MCTP2: variants seen among roughly 807,000 people sequenced by gnomAD.
The protein encoded by MCTP2 is multiple C2 and transmembrane domain-containing protein 2.
Under a neutral mutation model 111.6 loss-of-function variants are expected in MCTP2, and 132 were observed. That is an observed-to-expected ratio of 1.18 (90% CI 1.03 to 1.37). MCTP2 has a LOEUF of 1.37. Ranked by LOEUF, MCTP2 falls within the 40% of genes most tolerant of loss-of-function variation. The pLI, the probability that MCTP2 is intolerant of heterozygous loss-of-function variation, is 0.00. For missense variants in MCTP2, 1,183 were observed against 1,067.9 expected (o/e 1.11, Z -1.50); for synonymous variants, 395 against 387.7 (o/e 1.02, Z -0.22).
intron 1 of MCTP2, among the ~76,000 whole-genome samples, chr15:94,244,957 TATAC>T (rs2071673188): frequency 7.9e-6 from 1 of 126,380 alleles, no homozygotes; most frequent in Non-Finnish European, 1.8e-5. Context: ...CACCTGTTTA[TATAC>T]GTATATGTAT....
At chr15:94,291,009 G>A (rs1369929792) in intron 1 of MCTP2, among the ~76,000 whole-genome samples, 1 of 152,154 alleles carries the variant, frequency 6.6e-6, no homozygotes, top group African/African-American at 2.4e-5. Context: ...TAGAAGAACT[G>A]AACTATCAAC....
chr15:94,360,670 G>A lies in MCTP2; in HGVS notation c.1301+2058G>A, dbSNP rs538413715. 2.7e-4 allele frequency among the ~76,000 whole-genome samples: 41 copies of A among 152,142 alleles called. No homozygotes were observed. In the South Asian group the frequency reaches 3.9e-3, roughly 15 times the overall value. ...ATGCTTCCTTCACATAATAGGAAAC[G>A]CTTTTCCAAATGAGTGTTGGGTTGC... is the stretch of plus-strand genomic sequence containing the variant. On this transcript the variant is annotated intron_variant, in intron 10 of 22. Coordinates refer to ENST00000357742, the MANE Select transcript of MCTP2 (RefSeq NM_001385001.1).
chr15:94,265,021 T>G (rs2073432859), intron 1 of MCTP2, among the ~76,000 whole-genome samples: 1 of 152,242 alleles, frequency 6.6e-6, no homozygotes, highest in Admixed American at 6.5e-5. Context: ...TTTTCCTTGT[T>G]ATAGGGCACT....
chr15:94,242,915 A>C (rs2071087682), intron 1 of MCTP2, among the ~76,000 whole-genome samples: 1 of 147,076 alleles, frequency 6.8e-6, no homozygotes, highest in Admixed American at 6.7e-5. Context: ...GTATACACAT[A>C]TACACGTACA....
chr15:94,351,704 T>A (rs1380578216), intron 8 of MCTP2, among the ~76,000 whole-genome samples: 1 of 152,208 alleles, frequency 6.6e-6, no homozygotes, highest in Non-Finnish European at 1.5e-5. Flanking sequence ...TTTTCTTACT[T>A]CTCTCTTTGT....
intron 17 of MCTP2, among the ~76,000 whole-genome samples, chr15:94,405,126 T>A (rs1399339438): frequency 6.6e-6 from 1 of 152,176 alleles, no homozygotes; most frequent in Non-Finnish European, 1.5e-5. Context: ...GCTACACAGG[T>A]GTGAAAGGAG....
At chr15:94,401,746 T>C (rs1464307574) in intron 16 of MCTP2, among the ~76,000 whole-genome samples, 154 bp from the exon 17 acceptor site, 3 of 152,250 alleles carry the variant, frequency 2.0e-5, no homozygotes, top group Non-Finnish European at 4.4e-5. Flanking sequence ...TTAAAAAGAC[T>C]TTTAGAAGTG....
At chr15:94,288,190 C>T (rs2074852774) in intron 1 of MCTP2, among the ~76,000 whole-genome samples, 1 of 152,114 alleles carries the variant, frequency 6.6e-6, no homozygotes, top group African/African-American at 2.4e-5. Context: ...TCCCCACAAC[C>T]CTGGTATGAT....
intron 17 of MCTP2, among the ~76,000 whole-genome samples, chr15:94,408,542 G>A (rs1164220373): frequency 6.6e-6 from 1 of 152,010 alleles, no homozygotes; most frequent in Non-Finnish European, 1.5e-5. Context: ...ATCCATCATT[G>A]CATATTGTGA....
chr15:94,258,443 C>G (rs1336306377), intron 1 of MCTP2, among the ~76,000 whole-genome samples: 1 of 152,082 alleles, frequency 6.6e-6, no homozygotes, highest in Non-Finnish European at 1.5e-5. Context: ...TCTGAAAATG[C>G]AAATTATTTG....
intron 1 of MCTP2, among the ~76,000 whole-genome samples, chr15:94,246,513 A>G (rs537477294): frequency 6.6e-6 from 1 of 152,264 alleles, no homozygotes; most frequent in Admixed American, 6.5e-5. Context: ...TTGATGGTGG[A>G]GAGACTCATT....
intron 17 of MCTP2, among the ~76,000 whole-genome samples, chr15:94,419,150 A>T (rs186864398): frequency 6.6e-6 from 1 of 152,254 alleles, no homozygotes; most frequent in Admixed American, 6.5e-5. Flanking sequence ...AAGCACTGGG[A>T]ATAAATGGCC....
At chr15:94,399,090 G>T (rs2081424105) in intron 15 of MCTP2, 28 bp downstream of exon 15, 1 of 1,150,576 alleles carries the variant, frequency 8.7e-7, no homozygotes, top group Non-Finnish European at 1.3e-6. Flanking sequence ...ATACTTCCCG[G>T]CTTTCCCGTA....
chr15:94,364,334 AG>A (rs1271240492), intron 10 of MCTP2, among the ~76,000 whole-genome samples: 5 of 152,282 alleles, frequency 3.3e-5, no homozygotes, highest in Admixed American at 2.6e-4. Flanking sequence ...TGCCCATAAC[AG>A]GGAAAGGCTA....
At chr15:94,316,486 T>C (rs12909995) in intron 4 of MCTP2, among the ~76,000 whole-genome samples, 48,612 of 152,104 alleles carry the variant, frequency 0.32, 8,019 homozygotes, top group Admixed American at 0.43. Context: ...CTGAGAAATG[T>C]TGCTTGACCA....
At chr15:94,271,319 CTCTCA>C (rs1414806326) in intron 1 of MCTP2, among the ~76,000 whole-genome samples, 1 of 152,126 alleles carries the variant, frequency 6.6e-6, no homozygotes, top group Non-Finnish European at 1.5e-5. Flanking sequence ...TTATATTATT[CTCTCA>C]TCTCTTTTAA....
At chr15:94,354,101 A>G (rs2078470015) in intron 8 of MCTP2, among the ~76,000 whole-genome samples, 1 of 151,994 alleles carries the variant, frequency 6.6e-6, no homozygotes, top group Non-Finnish European at 1.5e-5. Flanking sequence ...AAATATTCCT[A>G]TACATATATT....
chr15:94,348,657 C>T (rs928459193), intron 8 of MCTP2, among the ~76,000 whole-genome samples: 2 of 150,592 alleles, frequency 1.3e-5, no homozygotes, highest in Non-Finnish European at 1.5e-5. Context: ...GTACCGCTTT[C>T]TCTAATTGAA....
chr15:94,481,329 C>A lies in MCTP2; in HGVS notation c.*2295C>A. The A allele has an allele frequency of 6.6e-6, 1 of 152,256 alleles. No homozygotes were observed. Among genetic ancestry groups the A allele is most frequent in the East Asian group, 1.9e-4 (1 of 5,192 alleles). 9.4% of individuals were successfully genotyped at this position (152,256 alleles called of 1,614,324 possible). On this transcript the variant is annotated 3_prime_UTR_variant, in exon 23 of 23. Coordinates refer to ENST00000357742, the MANE Select transcript of MCTP2 (RefSeq NM_001385001.1). ...CCTTCCAGCTTCCTTATTTCCCTTACCAGGACTGGCATTTTCTGGGCTTGG... is the reference window on the plus strand; with the variant it reads ...CCTTCCAGCTTCCTTATTTCCCTTAACAGGACTGGCATTTTCTGGGCTTGG...
Sources: gnomAD v4.1 joint callset for allele counts (sites outside exome capture counted in the v4.1 genomes callset) on GRCh38, gnomAD v4.1.1 for gene constraint, MANE v1.5 for transcripts, NCBI Gene and HGNC (gene_info 2026-07-23, HGNC 2026-07-21) for gene names.